The following TNNI3K variants were observed in gnomAD, a reference collection of about 807,000 sequenced individuals.
TNNI3K encodes serine/threonine-protein kinase TNNI3K.
TNNI3K carries 140 observed loss-of-function variants against 114.5 expected under a neutral mutation model. That is an observed-to-expected ratio of 1.22 (90% CI 1.07 to 1.41). The LOEUF (loss-of-function observed/expected upper bound fraction) is 1.41, where lower values mean the gene tolerates loss of function less well. TNNI3K is among the 40% of genes most tolerant of loss of function. The probability of loss-of-function intolerance (pLI) is 0.00; values close to 1 mark genes in which losing one functional copy is unlikely to be tolerated. For synonymous variants in TNNI3K, 347 were observed against 347.5 expected (o/e 1.00, Z 0.02); for missense variants, 1,125 against 1,007.6 (o/e 1.12, Z -1.58).
intron 21 of TNNI3K, among the ~76,000 whole-genome samples, chr1:74,466,074 C>G (rs1667667265): frequency 6.6e-6 from 1 of 152,184 alleles, no homozygotes; most frequent in African/African-American, 2.4e-5. Context: ...AGCTTCACTC[C>G]TGAAGTCAGC....
At chr1:74,496,503 T>A (rs1183164912) in intron 23 of TNNI3K, among the ~76,000 whole-genome samples, 1 of 152,178 alleles carries the variant, frequency 6.6e-6, no homozygotes, top group Admixed American at 6.5e-5. Context: ...TCTTGAGAAA[T>A]GATGCATTTA....
Position 74,540,235 on chromosome 1 carries a change from G to A in TNNI3K, c.2353G>A (p.Ala785Thr), listed in dbSNP as rs749614552. The A allele has an allele frequency of 6.2e-7, 1 of 1,611,724 alleles. No homozygotes were observed. Among genetic ancestry groups the A allele is most frequent in the Non-Finnish European group, 8.5e-7 (1 of 1,178,724 alleles). The change falls in exon 24 of 25, where the codon GCT becomes ACT. Residue 785 changes from alanine (A) to threonine (T), a missense_variant and splice_region_variant. Physicochemically the swap from Ala to Thr is moderately conservative, Grantham distance 58. Coordinates refer to ENST00000326637, the MANE Select transcript of TNNI3K (RefSeq NM_015978.3). ...AACTGTGTTTTATTAATTTTCCAGT[G>A]CTGGACAATATTCCTCTCAAGGTCT... ...ARSYAALSQS[A>T]GQYSSQGLSL...
chr1:74,376,277 A>G (rs956096215), intron 17 of TNNI3K, among the ~76,000 whole-genome samples: 1 of 152,030 alleles, frequency 6.6e-6, no homozygotes, highest in Non-Finnish European at 1.5e-5. Flanking sequence ...CTGCATGTAA[A>G]AAAAACACAA....
intron 17 of TNNI3K, among the ~76,000 whole-genome samples, chr1:74,376,276 A>G (rs1299078936): frequency 6.6e-6 from 1 of 151,988 alleles, no homozygotes; most frequent in Non-Finnish European, 1.5e-5. Context: ...CCTGCATGTA[A>G]AAAAAACACA....
intron 23 of TNNI3K, among the ~76,000 whole-genome samples, chr1:74,511,418 G>A (rs1302106566): frequency 1.3e-5 from 2 of 151,990 alleles, no homozygotes; most frequent in Non-Finnish European, 1.5e-5. Context: ...TCCTGGTCTC[G>A]AACTCCTGAC....
chr1:74,440,228 CAT>C (rs761857171), intron 20 of TNNI3K, among the ~76,000 whole-genome samples: 14 of 151,962 alleles, frequency 9.2e-5, no homozygotes, highest in Non-Finnish European at 1.9e-4. Flanking sequence ...AAAATATACA[CAT>C]ATTTTAGGTT....
At chr1:74,486,579 T>C (rs1282193110) in intron 21 of TNNI3K, among the ~76,000 whole-genome samples, 2 of 150,500 alleles carry the variant, frequency 1.3e-5, no homozygotes, top group Non-Finnish European at 2.9e-5. Flanking sequence ...GCTATAAATA[T>C]AATTAATTGC....
At chr1:74,292,348 CA>C (rs1352729652) in intron 5 of TNNI3K, among the ~76,000 whole-genome samples, 1 of 151,244 alleles carries the variant, frequency 6.6e-6, no homozygotes, top group African/African-American at 2.4e-5. Context: ...TTTTTTCTAA[CA>C]GCATTTTAGG....
At chr1:74,464,207 G>A (rs1473020192) in intron 21 of TNNI3K, among the ~76,000 whole-genome samples, 7 of 152,190 alleles carry the variant, frequency 4.6e-5, no homozygotes, top group South Asian at 4.1e-4. Flanking sequence ...GTGTGCAGAC[G>A]GGTTATGTCT....
At chr1:74,440,361 A>G (rs1666322833) in intron 20 of TNNI3K, among the ~76,000 whole-genome samples, 1 of 152,170 alleles carries the variant, frequency 6.6e-6, no homozygotes, top group African/African-American at 2.4e-5. Flanking sequence ...CTTGTAAAGT[A>G]GTTGTCAAAT....
In TNNI3K at chr1:74,301,308, G is replaced by A. The variant is rs45466194; in HGVS notation, c.444+29600G>A. On this transcript the variant is annotated intron_variant, in intron 5 of 24. Coordinates refer to ENST00000326637, the MANE Select transcript of TNNI3K (RefSeq NM_015978.3). ...CCAGCTACTAGGGAGGCTGAGGCAG[G>A]AGAATTGCTGGAACCCAGGAGGCAG... is the stretch of plus-strand genomic sequence containing the variant. Among the ~76,000 whole-genome samples the A allele has an allele frequency of 4.8e-3, 738 of 152,182 alleles. 8 individuals carry two copies. The highest frequency in any genetic ancestry group is 0.017 in the African/African-American group (692 of 41,514).
intron 11 of TNNI3K, among the ~76,000 whole-genome samples, chr1:74,356,312 A>C (rs1377281317): frequency 6.6e-6 from 1 of 152,200 alleles, no homozygotes; most frequent in Non-Finnish European, 1.5e-5. Flanking sequence ...ATTTGGGGCT[A>C]TTAAGAGTAC....
rs538247317 is a variant in TNNI3K, at chr1:74,416,719, C to T, written c.1773-19361C>T. Among the ~76,000 whole-genome samples the T allele has an allele frequency of 3.3e-5, 5 of 151,704 alleles. No homozygotes were observed. The South Asian group carries it at 8.3e-4, about 25-fold the overall frequency. On this transcript the variant is annotated intron_variant, in intron 17 of 24. Coordinates refer to ENST00000326637, the MANE Select transcript of TNNI3K (RefSeq NM_015978.3). ...TTCTTTTTCAAGAATAATTTTTGCC[C>T]GTACGATTTAATTTTGTCATATTTA... is the stretch of plus-strand genomic sequence containing the variant.
At position 74,426,586 on chromosome 1, in the gene TNNI3K, G is replaced by A. The variant is rs559868796; in HGVS notation, c.1773-9494G>A. ...GCATCTCTTTTTTTCTATCTTACTC[G>A]TCTTTCGTATAGTTCTTCCTTTATT... On this transcript the variant is annotated intron_variant, in intron 17 of 24. Transcript: ENST00000326637. Among the ~76,000 whole-genome samples, 32 of 151,958 alleles carry A rather than the reference G, an allele frequency of 2.1e-4. No homozygotes were observed. The East Asian group carries it at 3.1e-3, about 15-fold the overall frequency.
intron 17 of TNNI3K, among the ~76,000 whole-genome samples, chr1:74,420,430 A>G (rs1009556756): frequency 2.0e-5 from 3 of 152,096 alleles, no homozygotes; most frequent in African/African-American, 7.2e-5. Context: ...CTTGAATTTC[A>G]CTTTGCCTTT....
intron 17 of TNNI3K, among the ~76,000 whole-genome samples, chr1:74,381,701 T>C (rs1460192845): frequency 1.3e-5 from 2 of 152,190 alleles, no homozygotes; most frequent in Non-Finnish European, 2.9e-5. Context: ...GGATTCAGTC[T>C]GATACTCCCA....
At chr1:74,415,775 C>T (rs1274299223) in intron 17 of TNNI3K, among the ~76,000 whole-genome samples, 3 of 150,826 alleles carry the variant, frequency 2.0e-5, no homozygotes, top group Non-Finnish European at 3.0e-5. Context: ...ATATATATCC[C>T]GTTCTTGGTT....
At chr1:74,472,974 C>T (rs921389137) in intron 21 of TNNI3K, among the ~76,000 whole-genome samples, 1 of 152,096 alleles carries the variant, frequency 6.6e-6, no homozygotes, top group African/African-American at 2.4e-5. Flanking sequence ...AGAAAGGAAG[C>T]TTCCTTTGAC....
At position 74,346,497 on chromosome 1, in the gene TNNI3K, A is replaced by C. The variant is rs186850367; in HGVS notation, c.932+3318A>C. On this transcript the variant is annotated intron_variant, in intron 9 of 24. Transcript: ENST00000326637. Reference sequence around the variant, plus strand: ...AAAGCAGTTGATAAAAAACACTGGAAATTTTATACAGCTCTTTTCTTAAAG... The same window carrying C: ...AAAGCAGTTGATAAAAAACACTGGACATTTTATACAGCTCTTTTCTTAAAG... Among the ~76,000 whole-genome samples, 395 of 152,086 alleles carry C rather than the reference A, an allele frequency of 2.6e-3. 4 individuals are homozygous for C. Among genetic ancestry groups the C allele is most frequent in the Middle Eastern group, 0.017 (5 of 294 alleles).
Sources: allele counts gnomAD v4.1 joint callset (sites outside exome capture counted in the v4.1 genomes callset), GRCh38; gene constraint gnomAD v4.1.1; transcripts MANE v1.5; gene names NCBI Gene and HGNC (gene_info 2026-07-23, HGNC 2026-07-21).